The following PLCD3 variants were observed in gnomAD, a reference collection of about 807,000 sequenced individuals.
The protein encoded by PLCD3 is phospholipase C delta 3.
In PLCD3, 62 loss-of-function variants were observed where a neutral mutation model predicts 82.8. The observed-to-expected ratio is 0.75, with a 90% CI of 0.61 to 0.93. The LOEUF (loss-of-function observed/expected upper bound fraction) is 0.93. PLCD3 is among the 40% of genes least tolerant of loss of function. PLCD3 has a pLI of 0.00. For missense variants in PLCD3, 1,023 were observed against 1,103.4 expected (o/e 0.93, Z 1.03); for synonymous variants, 478 against 471.8 (o/e 1.01, Z -0.17).
intron 1 of PLCD3, among the ~76,000 whole-genome samples, chr17:45,125,927 A>C (rs1395496606): frequency 1.3e-5 from 2 of 152,218 alleles, no homozygotes; most frequent in Non-Finnish European, 2.9e-5. Flanking sequence ...GATGATGAAA[A>C]AGTTTTGGAA....
rs1258446718 is a variant in PLCD3, at chr17:45,121,389, AC to A, written c.164-18del. On this transcript the variant is annotated intron_variant, in intron 1 of 14. Transcript: ENST00000619929. ...CCGTCAGGCCTGGCGGGGCGGGAGG[AC>A]CCGGGGCGTCAGGCCGTACCTGCCC... The A allele has an allele frequency of 9.4e-6, 14 of 1,488,574 alleles. No homozygotes were observed. The highest frequency in any genetic ancestry group is 1.2e-5 in the Non-Finnish European group (13 of 1,125,282). The allele number at this position is 1,488,574 out of a possible 1,614,324, so 92.2% of individuals were successfully genotyped here.
chr17:45,128,838 T>C (rs1298937843), intron 1 of PLCD3, among the ~76,000 whole-genome samples: 2 of 152,370 alleles, frequency 1.3e-5, no homozygotes, highest in East Asian at 3.9e-4. Context: ...CTGTATTTTA[T>C]TTGGCAGCCC....
chr17:45,124,446 A>G (rs1200911842), intron 1 of PLCD3, among the ~76,000 whole-genome samples: 1 of 151,786 alleles, frequency 6.6e-6, no homozygotes, highest in African/African-American at 2.4e-5. Flanking sequence ...AAAGCCAAAC[A>G]GAAGGAGGGT....
chr17:45,132,115 G>T lies in PLCD3; in HGVS notation c.163+133C>A. 1.0e-6 allele frequency: 1 copy of T among 998,994 alleles called. No individual in the cohort carries two copies. The highest frequency in any genetic ancestry group is 1.3e-6 in the Non-Finnish European group (1 of 776,838). 61.9% of individuals were successfully genotyped at this position (998,994 alleles called of 1,614,324 possible). A position where few individuals can be genotyped will look rare whatever the true frequency, so the allele number is the denominator to read the frequency against. On this transcript the variant is annotated intron_variant, in intron 1 of 14. Coordinates refer to ENST00000619929, the MANE Select transcript of PLCD3 (RefSeq NM_133373.5). The surrounding 1 kb of genome is among the most constrained non-coding windows in gnomAD (Gnocchi z 4.6). The stretch of plus-strand genomic sequence containing the variant: ...TGCGACCCCCAGCTGGAGGGAGCTG[G>T]CCCTCCGCCCCTAGCCATAGCCTCC...
intron 1 of PLCD3, among the ~76,000 whole-genome samples, chr17:45,130,527 A>G (rs1017306583): frequency 6.6e-6 from 1 of 152,132 alleles, no homozygotes; most frequent in African/African-American, 2.4e-5. Context: ...GGCTGCCCTC[A>G]GCCATCCCCA....
chr17:45,120,701 A>G (rs1339330499), intron 3 of PLCD3, among the ~76,000 whole-genome samples: 1 of 151,908 alleles, frequency 6.6e-6, no homozygotes, highest in Non-Finnish European at 1.5e-5. Flanking sequence ...GCGCCGCGCC[A>G]CCCCTCCTGG....
chr17:45,123,947 G>C (rs2054360880), intron 1 of PLCD3, among the ~76,000 whole-genome samples: 2 of 125,052 alleles, frequency 1.6e-5, no homozygotes, highest in South Asian at 5.4e-4. Flanking sequence ...AGGCCGAGGG[G>C]CTCACCAGAC....
chr17:45,121,365 C>T lies in PLCD3; in HGVS notation c.171G>A (p.Thr57=). ...GLRALKKMGL[T]EDEDVRAMLR... is the part of the protein sequence containing the mutation. ...GCATGGCGCGCACGTCCTCGTCCTCCGTCAGGCCTGGCGGGGCGGGAGGAC... is the reference window on the plus strand; with the variant it reads ...GCATGGCGCGCACGTCCTCGTCCTCTGTCAGGCCTGGCGGGGCGGGAGGAC... The change falls in exon 2 of 15, where the codon ACG becomes ACA. Residue 57 remains threonine (T), a synonymous_variant. Coordinates refer to ENST00000619929, the MANE Select transcript of PLCD3 (RefSeq NM_133373.5). The T allele has an allele frequency of 2.6e-6, 4 of 1,521,972 alleles. No individual in the cohort carries two copies. Among genetic ancestry groups the T allele is most frequent in the Non-Finnish European group, 3.5e-6 (4 of 1,141,554 alleles). The allele number at this position is 1,521,972 out of a possible 1,614,324, so 94.3% of individuals were successfully genotyped here.
chr17:45,113,436 G>A lies in PLCD3; in HGVS notation c.1995+3C>T, dbSNP rs1289278021. 2 of 1,589,910 alleles carry A rather than the reference G, an allele frequency of 1.3e-6. No homozygotes were observed. Among genetic ancestry groups the A allele is most frequent in the Admixed American group, 1.8e-5 (1 of 56,098 alleles). Reference sequence around the variant, plus strand: ...ACACTGGGGCCCGTTCCAGCCTGCTGACCTGGATGCTGAGAGTGGTTCTGG... The same window carrying A: ...ACACTGGGGCCCGTTCCAGCCTGCTAACCTGGATGCTGAGAGTGGTTCTGG... On this transcript the variant is annotated splice_donor_region_variant and intron_variant, in intron 12 of 14. Transcript: ENST00000619929.
Position 45,118,839 on chromosome 17 carries a change from G to C in PLCD3, c.889C>G (p.Gln297Glu). The C allele has an allele frequency of 6.2e-7, 1 of 1,610,772 alleles. No individual in the cohort carries two copies. The highest frequency in any genetic ancestry group is 8.5e-7 in the Non-Finnish European group (1 of 1,179,234). Reference sequence around the variant, plus strand: ...CCTGTCTCGTTGAGCTCATAGGTCTGAATGAGCTGCTGGGCGCGGGCCAGT... The same window carrying C: ...CCTGTCTCGTTGAGCTCATAGGTCTCAATGAGCTGCTGGGCGCGGGCCAGT... ...ATLARAQQLI[Q>E]TYELNETAKQ... The change falls in exon 5 of 15, where the codon CAG becomes GAG. Residue 297 changes from glutamine to glutamate, a missense_variant. Physicochemically the swap from Gln to Glu is conservative, Grantham distance 29. Transcript: ENST00000619929. The surrounding 1 kb of genome is among the most constrained non-coding windows in gnomAD (Gnocchi z 4.1).
At chr17:45,130,436 T>C (rs2054410757) in intron 1 of PLCD3, among the ~76,000 whole-genome samples, 2 of 152,180 alleles carry the variant, frequency 1.3e-5, no homozygotes, top group Admixed American at 1.3e-4. Flanking sequence ...AGCAAACGTG[T>C]GGGATGAAGA....
In PLCD3 at chr17:45,118,705, G is replaced by T; in HGVS notation, c.913+110C>A. 8.3e-7 allele frequency: 1 copy of T among 1,208,684 alleles called. No homozygotes were observed. Among genetic ancestry groups the T allele is most frequent in the Non-Finnish European group, 1.1e-6 (1 of 875,510 alleles). 74.9% of individuals were successfully genotyped at this position (1,208,684 alleles called of 1,614,324 possible). ...ACATGTGGAAGCTGAGTCTGGAGGA[G>T]GTGAGGTAACCTGCCCGAGATGATG... On this transcript the variant is annotated intron_variant, in intron 5 of 14. Coordinates refer to ENST00000619929, the MANE Select transcript of PLCD3 (RefSeq NM_133373.5). The surrounding 1 kb of genome is among the most constrained non-coding windows in gnomAD (Gnocchi z 4.1).
chr17:45,118,180 A>G lies in PLCD3; in HGVS notation c.1116-42T>C, dbSNP rs762614035. 2 of 1,613,488 alleles carry G rather than the reference A, an allele frequency of 1.2e-6. No individual in the cohort carries two copies. The highest frequency in any genetic ancestry group is 1.7e-6 in the Non-Finnish European group (2 of 1,179,566). ...GGGTGGACGGGCAAGGTGTTGCCAG[A>G]GTGCCACAGAGCAGGGCAGCAGGCA... On this transcript the variant is annotated intron_variant, in intron 6 of 14. Transcript: ENST00000619929. This position sits in a 1 kb window ranked among gnomAD's most constrained non-coding sequence, Gnocchi z 4.1.
At position 45,113,135 on chromosome 17, in the gene PLCD3, G is replaced by A. The variant is rs569025774; in HGVS notation, c.2118C>T (p.Tyr706=). ...GTGGCTGCCCACCATTGTTGAGCAC[G>A]TAGTCAGTCTCCTGCCGGGCACAGT... is the stretch of plus-strand genomic sequence containing the variant. ...PADCARQETD[Y]VLNNGFNPRW... is the part of the protein sequence containing the mutation. The change falls in exon 13 of 15, where the codon TAC becomes TAT. Residue 706 remains tyrosine, a synonymous_variant. Transcript: ENST00000619929. 2.5e-5 allele frequency: 41 copies of A among 1,613,462 alleles called. No individual in the cohort carries two copies. In the Admixed American group the frequency reaches 3.2e-4, roughly 12 times the overall value.
chr17:45,120,872 G>T, intron 3 of PLCD3, 30 bp downstream of exon 3: 1 of 1,412,576 alleles, frequency 7.1e-7, no homozygotes, highest in Non-Finnish European at 9.2e-7. Context: ...TCCAAGGATG[G>T]GGCCCTCCCT....
chr17:45,128,184 C>T (rs2054395701), intron 1 of PLCD3, among the ~76,000 whole-genome samples: 1 of 152,188 alleles, frequency 6.6e-6, no homozygotes, highest in Non-Finnish European at 1.5e-5. Context: ...GTGCCAGAGT[C>T]CATAACATTC....
intron 1 of PLCD3, among the ~76,000 whole-genome samples, chr17:45,122,608 A>C (rs970789936): frequency 6.6e-6 from 1 of 152,220 alleles, no homozygotes; most frequent in Non-Finnish European, 1.5e-5. Flanking sequence ...CCCCAGTGGC[A>C]CTAACCTGTC....
In PLCD3 at chr17:45,112,495, G is replaced by T; in HGVS notation, c.*121C>A. ...GACCAGCGCCTGGTGAATGGGCTGA[G>T]TGGGCCAAGTGGGTGGGCTGGGGGG... On this transcript the variant is annotated 3_prime_UTR_variant, in exon 15 of 15. Transcript: ENST00000619929. 9.0e-7 allele frequency: 1 copy of T among 1,108,968 alleles called. No individual in the cohort carries two copies. Among genetic ancestry groups the T allele is most frequent in the Non-Finnish European group, 1.3e-6 (1 of 759,966 alleles). The allele number at this position is 1,108,968 out of a possible 1,614,324, so 68.7% of individuals were successfully genotyped here. A position where few individuals can be genotyped will look rare whatever the true frequency, so the allele number is the denominator to read the frequency against.
In PLCD3 at chr17:45,110,944, C is replaced by T. The variant is rs1054881189; in HGVS notation, c.*1672G>A. The stretch of plus-strand genomic sequence containing the variant: ...TGCTAGAAGGTGGAGTCTGCCCCAG[C>T]CCTGTGTTTTGGTTTCTGTGGGGCT... On this transcript the variant is annotated 3_prime_UTR_variant, in exon 15 of 15. Coordinates refer to ENST00000619929, the MANE Select transcript of PLCD3 (RefSeq NM_133373.5). 1 of 152,248 alleles carries T rather than the reference C, an allele frequency of 6.6e-6. No homozygotes were observed. The highest frequency in any genetic ancestry group is 1.5e-5 in the Non-Finnish European group (1 of 68,060). The allele number at this position is 152,248 out of a possible 1,614,324, so 9.4% of individuals were successfully genotyped here.
Sources: allele counts gnomAD v4.1 joint callset (sites outside exome capture counted in the v4.1 genomes callset), GRCh38; gene constraint gnomAD v4.1.1; non-coding constraint Gnocchi (gnomAD v3.1); transcripts MANE v1.5; gene names NCBI Gene and HGNC (gene_info 2026-07-23, HGNC 2026-07-21).